The following CCDC172 variants were observed in gnomAD, a reference collection of about 807,000 sequenced individuals.
CCDC172 encodes the protein coiled-coil domain containing 172.
Under a neutral mutation model 38.0 loss-of-function variants are expected in CCDC172, and 30 were observed. The observed-to-expected ratio is 0.79, with a 90% CI of 0.59 to 1.07. CCDC172 has a LOEUF of 1.07. Among genes scored for constraint, CCDC172 ranks in the 50% least tolerant of loss-of-function variants. The pLI, the probability that CCDC172 is intolerant of heterozygous loss-of-function variation, is 0.00. For synonymous variants in CCDC172, 78 were observed against 88.3 expected, an observed-to-expected ratio of 0.88 and a Z score of 0.66; for missense variants, 297 against 290.1, an observed-to-expected ratio of 1.02 and a Z score of -0.17.
chr10:116,359,474 C>T (rs1047231968), intron 7 of CCDC172, among the ~76,000 whole-genome samples: 2 of 152,188 alleles, frequency 1.3e-5, no homozygotes, highest in Middle Eastern at 3.4e-3. Context: ...GCCTTGTTGA[C>T]ATTTTAGACC....
intron 3 of CCDC172, among the ~76,000 whole-genome samples, chr10:116,330,449 CTG>C (rs1435236396): frequency 6.6e-6 from 1 of 152,148 alleles, no homozygotes; most frequent in Non-Finnish European, 1.5e-5. Flanking sequence ...AGTTACAAAA[CTG>C]TGCATAGATA....
chr10:116,365,205 A>C (rs901711243), intron 7 of CCDC172, among the ~76,000 whole-genome samples: 1 of 152,224 alleles, frequency 6.6e-6, no homozygotes, highest in African/African-American at 2.4e-5. Flanking sequence ...TAGCAACAGC[A>C]ATCTTTTCTT....
In CCDC172 at chr10:116,376,232, A is replaced by G. The variant is rs77389211; in HGVS notation, c.654-2191A>G. On this transcript the variant is annotated intron_variant, in intron 7 of 8. Transcript: ENST00000333254. ...TTTTCTTTTGCATCTGCTGGCATCC[A>G]GGAAATGCCACTGATCTTACAACTC... is the stretch of plus-strand genomic sequence containing the variant. Among the ~76,000 whole-genome samples the G allele has an allele frequency of 5.2e-3, 797 of 152,308 alleles. 10 individuals carry two copies. Among genetic ancestry groups the G allele is most frequent in the African/African-American group, 0.018 (762 of 41,570 alleles).
intron 3 of CCDC172, 72 bp downstream of exon 3, chr10:116,325,460 C>T: frequency 1.7e-6 from 2 of 1,179,672 alleles, no homozygotes; most frequent in Non-Finnish European, 2.5e-6. Context: ...GGGGATATTT[C>T]AGTGTTTAAC....
intron 7 of CCDC172, among the ~76,000 whole-genome samples, chr10:116,360,521 G>A (rs928520627): frequency 6.6e-5 from 10 of 152,092 alleles, no homozygotes; most frequent in African/African-American, 2.4e-4. Context: ...GTGCCACTTT[G>A]GAATGGATTA....
At chr10:116,376,089 G>T (rs1456902818) in intron 7 of CCDC172, among the ~76,000 whole-genome samples, 1 of 152,182 alleles carries the variant, frequency 6.6e-6, no homozygotes, top group Non-Finnish European at 1.5e-5. Context: ...GTTTATTGTA[G>T]CACTGTTCAC....
intron 3 of CCDC172, among the ~76,000 whole-genome samples, chr10:116,333,588 G>A (rs193018671): frequency 1.3e-5 from 2 of 152,276 alleles, no homozygotes; most frequent in African/African-American, 4.8e-5. Flanking sequence ...ACTGCCACCT[G>A]AGTTGTCAAA....
intron 5 of CCDC172, among the ~76,000 whole-genome samples, chr10:116,349,646 G>A (rs1259998627): frequency 6.6e-6 from 1 of 152,152 alleles, no homozygotes; most frequent in Non-Finnish European, 1.5e-5. Flanking sequence ...GCTTACAAAT[G>A]TATTTCTGAA....
At chr10:116,368,163 G>T (rs920130635) in intron 7 of CCDC172, among the ~76,000 whole-genome samples, 3 of 152,068 alleles carry the variant, frequency 2.0e-5, no homozygotes, top group Admixed American at 2.0e-4. Flanking sequence ...GATTACATCT[G>T]CCAGATTTCT....
intron 5 of CCDC172, among the ~76,000 whole-genome samples, chr10:116,353,656 T>C (rs1415478566): frequency 6.6e-6 from 1 of 152,210 alleles, no homozygotes; most frequent in African/African-American, 2.4e-5. Context: ...AAGACAGTGG[T>C]ATTGATGATC....
intron 3 of CCDC172, among the ~76,000 whole-genome samples, chr10:116,326,223 A>G (rs963321609): frequency 6.6e-6 from 1 of 152,204 alleles, no homozygotes; most frequent in Admixed American, 6.5e-5. Context: ...CAACATAGTG[A>G]GACCCTGTCT....
chr10:116,370,311 C>A (rs1159491292), intron 7 of CCDC172, among the ~76,000 whole-genome samples: 1 of 151,828 alleles, frequency 6.6e-6, no homozygotes, highest in Non-Finnish European at 1.5e-5. Context: ...TTCACTTTGA[C>A]CTTGTACGGT....
At chr10:116,374,783 GT>G (rs1845226309) in intron 7 of CCDC172, among the ~76,000 whole-genome samples, 1 of 151,428 alleles carries the variant, frequency 6.6e-6, no homozygotes, top group African/African-American at 2.4e-5. Context: ...AATGAAAATG[GT>G]CTAAATATGC....
chr10:116,351,738 T>C (rs980244893), intron 5 of CCDC172, among the ~76,000 whole-genome samples: 4 of 152,166 alleles, frequency 2.6e-5, no homozygotes, highest in African/African-American at 9.7e-5. Flanking sequence ...CCACGATCCC[T>C]GAGAGAAGGG....
intron 7 of CCDC172, among the ~76,000 whole-genome samples, chr10:116,373,970 T>C (rs1302390595): frequency 1.3e-5 from 2 of 152,176 alleles, no homozygotes; most frequent in Non-Finnish European, 2.9e-5. Context: ...TTCCAAAACA[T>C]TAAATGAAAA....
intron 3 of CCDC172, among the ~76,000 whole-genome samples, chr10:116,330,061 CTTAGATAA>C (rs1387384823): frequency 6.6e-6 from 1 of 152,088 alleles, no homozygotes; most frequent in African/African-American, 2.4e-5. Flanking sequence ...GCCATTTTTA[CTTAGATAA>C]TTGACAGTCA....
chr10:116,368,032 AT>A (rs1028317321), intron 7 of CCDC172, among the ~76,000 whole-genome samples: 15 of 151,864 alleles, frequency 9.9e-5, no homozygotes, highest in Admixed American at 4.6e-4. Context: ...ATGCAAGTTA[AT>A]TTTTTTTGGC....
At chr10:116,367,273 G>A (rs1289651391) in intron 7 of CCDC172, among the ~76,000 whole-genome samples, 1 of 152,150 alleles carries the variant, frequency 6.6e-6, no homozygotes, top group African/African-American at 2.4e-5. Context: ...TCATGATAAA[G>A]TAATGATAAA....
intron 3 of CCDC172, among the ~76,000 whole-genome samples, chr10:116,337,270 T>C (rs1589948772): frequency 6.6e-6 from 1 of 151,946 alleles, no homozygotes; most frequent in East Asian, 1.9e-4. Flanking sequence ...TATTCTGCCT[T>C]AGCCTCCTGA....
Sources: allele counts gnomAD v4.1 joint callset (sites outside exome capture counted in the v4.1 genomes callset), GRCh38; gene constraint gnomAD v4.1.1; transcripts MANE v1.5; gene names NCBI Gene and HGNC (gene_info 2026-07-23, HGNC 2026-07-21).